The following CRMP1 variants were observed in gnomAD, a reference collection of about 807,000 sequenced individuals.
CRMP1 encodes collapsin response mediator protein 1.
CRMP1 carries 19 observed loss-of-function variants against 68.3 expected under a neutral mutation model. The ratio of observed to expected loss-of-function variants is 0.28; its 90% CI spans 0.19 to 0.41. The LOEUF (loss-of-function observed/expected upper bound fraction) is 0.41, where lower values mean the gene tolerates loss of function less well. CRMP1 is among the 10% of genes least tolerant of loss of function. The pLI, the probability that CRMP1 is intolerant of heterozygous loss-of-function variation, is 1.00. For missense variants in CRMP1, 791 were observed against 967.4 expected (o/e 0.82, Z 2.42); for synonymous variants, 439 against 399.6 (o/e 1.10, Z -1.18).
chr4:5,857,390 C>T (rs1012921194), intron 3 of CRMP1, among the ~76,000 whole-genome samples: 10 of 152,086 alleles, frequency 6.6e-5, no homozygotes, highest in Admixed American at 5.9e-4. Flanking sequence ...TTCATAATCA[C>T]TCCCACCATC....
In CRMP1 at chr4:5,879,189, T is replaced by C. The variant is rs113785813; in HGVS notation, c.382-12433A>G. Among the ~76,000 whole-genome samples, 1 of 152,150 alleles carries C rather than the reference T, an allele frequency of 6.6e-6. No homozygotes were observed. The highest frequency in any genetic ancestry group is 1.5e-5 in the Non-Finnish European group (1 of 68,026). On this transcript the variant is annotated intron_variant, in intron 1 of 13. Coordinates refer to ENST00000324989, the MANE Select transcript of CRMP1 (RefSeq NM_001014809.3). This position sits in a 1 kb window ranked among gnomAD's most constrained non-coding sequence, Gnocchi z 4.2. ...TCTCTCGGCCGCGCCCCACCACATC[T>C]ATCTACGCACACCACGCTCTGCCTC...
chr4:5,869,076 C>G (rs374026865), intron 1 of CRMP1, among the ~76,000 whole-genome samples: 1 of 151,970 alleles, frequency 6.6e-6, no homozygotes. Flanking sequence ...CTCAGACTCC[C>G]GAATATTTGA....
chr4:5,824,982 C>T (rs1719311202), intron 13 of CRMP1: 2 of 985,306 alleles, frequency 2.0e-6, no homozygotes, highest in Non-Finnish European at 2.4e-6. Flanking sequence ...CACTGGATTT[C>T]TTGGGGCTTC....
intron 11 of CRMP1, among the ~76,000 whole-genome samples, chr4:5,830,684 C>T (rs1336478770): frequency 1.3e-5 from 2 of 152,132 alleles, no homozygotes; most frequent in African/African-American, 4.8e-5. Flanking sequence ...TGTACCCCTG[C>T]CAAACTGTTT....
rs571577282 is a variant in CRMP1, at chr4:5,841,909, G to A, written c.1033-481C>T. Among the ~76,000 whole-genome samples, 62 of 152,270 alleles carry A rather than the reference G, an allele frequency of 4.1e-4. No homozygotes were observed. In the South Asian group the frequency reaches 4.8e-3, roughly 12 times the overall value. ...AAATGTCCTCAACTTGGCCAGGCAC[G>A]GTGGCTCACACCTGTAATCCCAGCA... On this transcript the variant is annotated intron_variant, in intron 7 of 13. Coordinates refer to ENST00000324989, the MANE Select transcript of CRMP1 (RefSeq NM_001014809.3). The surrounding 1 kb of genome is among the most constrained non-coding windows in gnomAD (Gnocchi z 6.9).
At chr4:5,875,465 G>C (rs946894389) in intron 1 of CRMP1, among the ~76,000 whole-genome samples, 1 of 151,640 alleles carries the variant, frequency 6.6e-6, no homozygotes, top group African/African-American at 2.4e-5. Flanking sequence ...AAAAATCACT[G>C]GTTTAGCAAC....
At chr4:5,831,129 T>C (rs1433508346) in intron 11 of CRMP1, among the ~76,000 whole-genome samples, 1 of 151,986 alleles carries the variant, frequency 6.6e-6, no homozygotes, top group Non-Finnish European at 1.5e-5. Context: ...TTTTATTTTT[T>C]TGTAGAGGCA....
Position 5,821,688 on chromosome 4 carries a change from A to G in CRMP1, c.*72T>C. 2.1e-6 allele frequency: 3 copies of G among 1,448,546 alleles called. No homozygotes were observed. The highest frequency in any genetic ancestry group is 2.8e-6 in the Non-Finnish European group (3 of 1,061,340). The allele number at this position is 1,448,546 out of a possible 1,614,324, so 89.7% of individuals were successfully genotyped here. ...GCACCAACTAAAACTGTGGGTTTCA[A>G]AAACACTGACAGGAAAAGGGATGGA... On this transcript the variant is annotated 3_prime_UTR_variant, in exon 14 of 14. Coordinates refer to ENST00000324989, the MANE Select transcript of CRMP1 (RefSeq NM_001014809.3). The surrounding 1 kb of genome is among the most constrained non-coding windows in gnomAD (Gnocchi z 4.4).
intron 4 of CRMP1, among the ~76,000 whole-genome samples, chr4:5,852,663 G>C (rs955162580): frequency 2.0e-5 from 3 of 152,222 alleles, no homozygotes; most frequent in African/African-American, 4.8e-5. Context: ...AACTCTCTGT[G>C]CAGGTCCCAG....
At chr4:5,844,527 T>C (rs1434085316) in intron 6 of CRMP1, among the ~76,000 whole-genome samples, 2 of 152,210 alleles carry the variant, frequency 1.3e-5, no homozygotes, top group African/African-American at 2.4e-5. Context: ...TTTGTTTCAC[T>C]GCCTTCCAAA....
rs766784482 is a variant in CRMP1, at chr4:5,859,740, G to A, written c.655+1286C>T. ...GCCCTTTGGAAGAGGGATCAGGACA[G>A]TGCTTGCCTCAAAAGTCGAGCCCCA... On this transcript the variant is annotated intron_variant, in intron 3 of 13. Coordinates refer to ENST00000324989, the MANE Select transcript of CRMP1 (RefSeq NM_001014809.3). This position sits in a 1 kb window ranked among gnomAD's most constrained non-coding sequence, Gnocchi z 5.2. Among the ~76,000 whole-genome samples the A allele has an allele frequency of 4.6e-5, 7 of 152,132 alleles. No individual in the cohort carries two copies. Among genetic ancestry groups the A allele is most frequent in the Non-Finnish European group, 8.8e-5 (6 of 68,034 alleles).
At position 5,861,873 on chromosome 4, in the gene CRMP1, C is replaced by T. The variant is rs1055041499; in HGVS notation, c.471-663G>A. 5.3e-5 allele frequency among the ~76,000 whole-genome samples: 8 copies of T among 152,134 alleles called. No homozygotes were observed. The highest frequency in any genetic ancestry group is 2.1e-4 in the South Asian group (1 of 4,828). ...CTAAAAAAAATCCAATTGTTGTGAA[C>T]GCTTGAGATTGGGCAGCATATTAAT... On this transcript the variant is annotated intron_variant, in intron 2 of 13. Transcript: ENST00000324989. This position sits in a 1 kb window ranked among gnomAD's most constrained non-coding sequence, Gnocchi z 6.0.
intron 11 of CRMP1, among the ~76,000 whole-genome samples, chr4:5,831,336 A>G (rs567283965): frequency 1.0e-3 from 158 of 152,160 alleles, no homozygotes; most frequent in Non-Finnish European, 1.9e-3. Context: ...AAAACTATCA[A>G]TTCTTTATAT....
chr4:5,882,991 TC>T (rs1377063912), intron 1 of CRMP1, among the ~76,000 whole-genome samples: 2 of 151,998 alleles, frequency 1.3e-5, no homozygotes, highest in African/African-American at 4.8e-5. Context: ...CTTTATAGAA[TC>T]CCCCCATAGC....
Position 5,843,774 on chromosome 4 carries a change from C to A in CRMP1, c.964-613G>T, listed in dbSNP as rs569191795. On this transcript the variant is annotated intron_variant, in intron 6 of 13. Transcript: ENST00000324989. The surrounding 1 kb of genome is among the most constrained non-coding windows in gnomAD (Gnocchi z 4.1). ...CAAAACCTGGAGCTGAGCGAGCACA[C>A]GCTCATTAATTGGCAGCCGGCTCTC... Among the ~76,000 whole-genome samples, 1 of 152,134 alleles carries A rather than the reference C, an allele frequency of 6.6e-6. No individual in the cohort carries two copies. The highest frequency in any genetic ancestry group is 2.4e-5 in the African/African-American group (1 of 41,420).
At chr4:5,826,389 A>AACTC (rs1289115125) in intron 12 of CRMP1, 1 of 152,786 alleles carries the variant, frequency 6.5e-6, no homozygotes, top group Non-Finnish European at 1.5e-5. Flanking sequence ...GGAGGGAGAA[A>AACTC]ACTCAGTACA....
intron 2 of CRMP1, among the ~76,000 whole-genome samples, chr4:5,864,365 CTCTA>C (rs1167672580): frequency 2.0e-5 from 3 of 152,208 alleles, no homozygotes; most frequent in Admixed American, 6.5e-5. Context: ...GTTGCTTTCT[CTCTA>C]TCTAAGCCAT....
In CRMP1 at chr4:5,866,678, C is replaced by T. The variant is rs1410639561; in HGVS notation, c.460G>A (p.Gly154Arg). Residue 154 changes from glycine (G) to arginine (R), a missense_variant, in exon 2 of 14, where the codon GGA (glycine) becomes AGA (arginine). By Grantham distance (125) the Gly-to-Arg change is moderately radical (BLOSUM62 -2). Transcript: ENST00000324989. This position sits in a 1 kb window ranked among gnomAD's most constrained non-coding sequence, Gnocchi z 5.9. ...TTTTGATCAACCCACTTGATAAGTC[C>T]ATCCTCCAGGTAGACGTCAGCATAA... ...SLYADVYLEDGLIKQIGENLI... is the reference protein window; with the variant it reads ...SLYADVYLEDRLIKQIGENLI... 6 of 1,612,220 alleles carry T rather than the reference C, an allele frequency of 3.7e-6. No homozygotes were observed. The South Asian group carries it at 6.6e-5, about 18-fold the overall frequency.
At chr4:5,827,663 CACACATACACACGTGCATGCATGT>C (rs1167525475) in intron 12 of CRMP1, among the ~76,000 whole-genome samples, 43 of 152,130 alleles carry the variant, frequency 2.8e-4, no homozygotes, top group African/African-American at 1.0e-3. Context: ...TCCCCATATG[CACACATACACACGTGCATGCATGT>C]ACACATGCAC....
Sources: gnomAD v4.1 joint callset for allele counts (sites outside exome capture counted in the v4.1 genomes callset) on GRCh38, gnomAD v4.1.1 for gene constraint, Gnocchi (gnomAD v3.1) non-coding constraint, MANE v1.5 for transcripts, NCBI Gene and HGNC (gene_info 2026-07-23, HGNC 2026-07-21) for gene names.